JARID2: variants seen among roughly 807,000 people sequenced by gnomAD.
JARID2 encodes the protein protein Jumonji.
Under a neutral mutation model 125.6 loss-of-function variants are expected in JARID2, and 21 were observed. The observed-to-expected ratio is 0.17, with a 90% CI of 0.12 to 0.24. JARID2 has a LOEUF of 0.24. Ranked by LOEUF, JARID2 falls within the 10% of genes least tolerant of loss-of-function variation. The pLI is 1.00. For synonymous variants in JARID2, 736 were observed against 661.6 expected, an observed-to-expected ratio of 1.11 and a Z score of -1.73; for missense variants, 1,303 against 1,639.6, an observed-to-expected ratio of 0.79 and a Z score of 3.55.
intron 5 of JARID2, among the ~76,000 whole-genome samples, chr6:15,473,018 A>G (rs561095188): frequency 5.4e-5 from 8 of 149,332 alleles, no homozygotes; most frequent in African/African-American, 2.0e-4. Flanking sequence ...TTTCCTACAG[A>G]ATTTGTGAGT....
chr6:15,348,177 C>G (rs187536826), intron 1 of JARID2, among the ~76,000 whole-genome samples: 1 of 151,332 alleles, frequency 6.6e-6, no homozygotes, highest in African/African-American at 2.4e-5. Flanking sequence ...CTGCAATGTC[C>G]GCCTCCTGGG....
At chr6:15,260,166 A>G (rs1396473734) in intron 1 of JARID2, among the ~76,000 whole-genome samples, 2 of 152,200 alleles carry the variant, frequency 1.3e-5, no homozygotes, top group Non-Finnish European at 2.9e-5. Flanking sequence ...TTTAAATACC[A>G]ATGCAGTTTA....
At chr6:15,350,462 A>G (rs1763384525) in intron 1 of JARID2, among the ~76,000 whole-genome samples, 1 of 152,192 alleles carries the variant, frequency 6.6e-6, no homozygotes, top group South Asian at 2.1e-4. Context: ...CGGAGACTCT[A>G]TAGCTAGTGG....
chr6:15,501,873 C>T (rs1561909808), intron 8 of JARID2, among the ~76,000 whole-genome samples: 1 of 152,208 alleles, frequency 6.6e-6, no homozygotes, highest in African/African-American at 2.4e-5. Flanking sequence ...TGCTTCGTTT[C>T]CCCTGCTTCT....
chr6:15,364,531 G>A (rs1312768477), intron 1 of JARID2, among the ~76,000 whole-genome samples: 1 of 152,188 alleles, frequency 6.6e-6, no homozygotes, highest in Non-Finnish European at 1.5e-5. Flanking sequence ...GGCCAGATGT[G>A]CCCCACAGGA....
At chr6:15,385,790 A>T (rs1406406548) in intron 2 of JARID2, among the ~76,000 whole-genome samples, 1 of 152,080 alleles carries the variant, frequency 6.6e-6, no homozygotes, top group Admixed American at 6.5e-5. Context: ...GGGGACTGAG[A>T]GTCTGCCAAC....
At chr6:15,511,930 G>A (rs558055112) in intron 13 of JARID2, among the ~76,000 whole-genome samples, 2 of 152,342 alleles carry the variant, frequency 1.3e-5, no homozygotes, top group East Asian at 3.9e-4. Flanking sequence ...TCCTGGTTGT[G>A]TAACCTTGTC....
At chr6:15,275,542 C>CG (rs1561762772) in intron 1 of JARID2, among the ~76,000 whole-genome samples, 1 of 107,326 alleles carries the variant, frequency 9.3e-6, no homozygotes, top group Non-Finnish European at 2.0e-5. Context: ...CGCCCCCCCC[C>CG]CCGTCTTTTG....
Position 15,382,318 on chromosome 6 carries a change from G to A in JARID2, c.181+8066G>A, listed in dbSNP as rs1581482216. ...ATGGGTGAGTGCAGGAGGCTAGCAG[G>A]GAGGCAGATGATGTCAGAGACCCAG... On this transcript the variant is annotated intron_variant, in intron 2 of 17. Transcript: ENST00000341776. Among the ~76,000 whole-genome samples the A allele has an allele frequency of 2.0e-5, 3 of 152,292 alleles. No homozygotes were observed. In the South Asian group the frequency reaches 6.2e-4, roughly 32 times the overall value.
intron 1 of JARID2, among the ~76,000 whole-genome samples, chr6:15,303,250 A>T (rs1392362275): frequency 6.6e-6 from 1 of 152,236 alleles, no homozygotes; most frequent in African/African-American, 2.4e-5. Flanking sequence ...TAGGTAGCGC[A>T]CCTCGAACTT....
intron 1 of JARID2, among the ~76,000 whole-genome samples, chr6:15,343,118 A>G (rs1763123521): frequency 1.3e-5 from 2 of 151,622 alleles, no homozygotes; most frequent in African/African-American, 4.8e-5. Context: ...AATCGCAGCT[A>G]CTTGGGAGGC....
chr6:15,508,688 T>C (rs918476756), intron 12 of JARID2, among the ~76,000 whole-genome samples: 2 of 152,348 alleles, frequency 1.3e-5, no homozygotes, highest in East Asian at 1.9e-4. Flanking sequence ...GATGAGCAAA[T>C]CTTTTCATAT....
At chr6:15,328,315 C>A (rs188798774) in intron 1 of JARID2, among the ~76,000 whole-genome samples, 1 of 152,304 alleles carries the variant, frequency 6.6e-6, no homozygotes, top group East Asian at 1.9e-4. Flanking sequence ...TTACTGGGCA[C>A]CCGCTGTGTA....
intron 4 of JARID2, among the ~76,000 whole-genome samples, chr6:15,459,032 T>C (rs1418051902): frequency 6.6e-6 from 1 of 152,166 alleles, no homozygotes; most frequent in Admixed American, 6.5e-5. Context: ...GGGAGTTCTT[T>C]CTAGGGGCAT....
rs182684668 is a variant in JARID2 at position 15,286,398 on chromosome 6, C to T, written c.45+39814C>T. Among the ~76,000 whole-genome samples the T allele has an allele frequency of 2.8e-3, 427 of 151,566 alleles. 2 individuals are homozygous for T. Among genetic ancestry groups the T allele is most frequent in the African/African-American group, 9.7e-3 (403 of 41,372 alleles). ...GCCCGAGTAGCTGGGATTACAGGTGCCCACCACCACACCCGGCTAATTTTT... is the reference window on the plus strand; with the variant it reads ...GCCCGAGTAGCTGGGATTACAGGTGTCCACCACCACACCCGGCTAATTTTT... On this transcript the variant is annotated intron_variant, in intron 1 of 17. Coordinates refer to ENST00000341776, the MANE Select transcript of JARID2 (RefSeq NM_004973.4).
intron 1 of JARID2, among the ~76,000 whole-genome samples, chr6:15,300,714 TGTGTGTGTGAGAGAGA>T (rs1247840308): frequency 3.4e-4 from 48 of 140,056 alleles, no homozygotes; most frequent in African/African-American, 1.3e-3. Flanking sequence ...TGTGTGTGTG[TGTGTGTGTGAGAGAGA>T]GAGAGAGAGA....
At chr6:15,429,256 T>C (rs1766869521) in intron 3 of JARID2, among the ~76,000 whole-genome samples, 1 of 151,982 alleles carries the variant, frequency 6.6e-6, no homozygotes, top group Non-Finnish European at 1.5e-5. Flanking sequence ...AAAGGAATCT[T>C]TTTCTTGTTC....
intron 1 of JARID2, among the ~76,000 whole-genome samples, chr6:15,329,606 G>A (rs1157760247): frequency 6.6e-6 from 1 of 152,176 alleles, no homozygotes; most frequent in African/African-American, 2.4e-5. Context: ...TTAATAAGCG[G>A]GTTAAACCGC....
intron 5 of JARID2, among the ~76,000 whole-genome samples, chr6:15,477,423 T>G (rs1769397233): frequency 1.3e-5 from 2 of 151,850 alleles, no homozygotes; most frequent in Admixed American, 1.3e-4. Flanking sequence ...TCTTTACCTC[T>G]TTTTAACCTC....
Sources: allele counts gnomAD v4.1 joint callset (sites outside exome capture counted in the v4.1 genomes callset), GRCh38; gene constraint gnomAD v4.1.1; transcripts MANE v1.5; gene names NCBI Gene and HGNC (gene_info 2026-07-23, HGNC 2026-07-21).